Variants in PTPN5 observed in about 807,000 individuals in gnomAD.
PTPN5 encodes protein tyrosine phosphatase non-receptor type 5, also known as tyrosine-protein phosphatase non-receptor type 5.
In PTPN5, 29 loss-of-function variants were observed where a neutral mutation model predicts 73.9. The ratio of observed to expected loss-of-function variants is 0.39; its 90% CI spans 0.29 to 0.54. PTPN5 has a LOEUF of 0.54. PTPN5 is among the 20% of genes least tolerant of loss of function. The pLI, the probability that PTPN5 is intolerant of heterozygous loss-of-function variation, is 0.65. For missense variants in PTPN5, 652 were observed against 751.4 expected (o/e 0.87, Z 1.55); for synonymous variants, 267 against 304.7 (o/e 0.88, Z 1.29).
At chr11:18,775,606 C>T (rs1186405209) in intron 1 of PTPN5, among the ~76,000 whole-genome samples, 1 of 152,142 alleles carries the variant, frequency 6.6e-6, no homozygotes, top group African/African-American at 2.4e-5. Flanking sequence ...GGTGGGGAGC[C>T]TGTGTTGGTG....
At chr11:18,785,498 T>C (rs1291007402) in intron 1 of PTPN5, among the ~76,000 whole-genome samples, 2 of 152,242 alleles carry the variant, frequency 1.3e-5, no homozygotes, top group Non-Finnish European at 2.9e-5. Flanking sequence ...AAAATGATGG[T>C]TCATCTTACG....
At chr11:18,764,923 A>G (rs1850570907) in intron 3 of PTPN5, among the ~76,000 whole-genome samples, 2 of 152,138 alleles carry the variant, frequency 1.3e-5, no homozygotes, top group Admixed American at 6.5e-5. Flanking sequence ...CATGTTAGCC[A>G]GGATGGTCTC....
In PTPN5 at chr11:18,729,873, A is replaced by T. The variant is rs770524408; in HGVS notation, c.1330-55T>A. 7.5e-6 allele frequency: 12 copies of T among 1,606,444 alleles called. 1 individual carries two copies. In the South Asian group the frequency reaches 1.3e-4, roughly 18 times the overall value. On this transcript the variant is annotated intron_variant, in intron 12 of 14. Coordinates refer to ENST00000358540, the MANE Select transcript of PTPN5 (RefSeq NM_006906.2). The surrounding 1 kb of genome is among the most constrained non-coding windows in gnomAD (Gnocchi z 5.2). ...TATGTGTGAACTCTTTCAGCTCACAAACCAGCCCAGAGATAGAGATGAGAT... is the reference window on the plus strand; with the variant it reads ...TATGTGTGAACTCTTTCAGCTCACATACCAGCCCAGAGATAGAGATGAGAT...
intron 3 of PTPN5, among the ~76,000 whole-genome samples, chr11:18,752,514 T>C (rs1849937693): frequency 6.6e-6 from 1 of 152,124 alleles, no homozygotes; most frequent in Admixed American, 6.5e-5. Flanking sequence ...GGAGTGGGCA[T>C]GGACTGGGGG....
chr11:18,751,057 A>T (rs1038715114), intron 3 of PTPN5, among the ~76,000 whole-genome samples: 2 of 152,136 alleles, frequency 1.3e-5, no homozygotes, highest in African/African-American at 4.8e-5. Context: ...AAGAGTCTAG[A>T]AGGAATACAC....
At chr11:18,741,582 A>G (rs11024780) in intron 7 of PTPN5, among the ~76,000 whole-genome samples, 4,412 of 152,244 alleles carry the variant, frequency 0.029, 177 homozygotes, top group East Asian at 0.17. Context: ...TCACCCACCT[A>G]GACTCTGAAA....
rs567459720 is a variant in PTPN5, at chr11:18,729,365, C to T, written c.1604+88G>A. The T allele has an allele frequency of 7.0e-6, 5 of 709,814 alleles. No homozygotes were observed. Among genetic ancestry groups the T allele is most frequent in the Non-Finnish European group, 1.3e-5 (5 of 393,920 alleles). 44.0% of individuals were successfully genotyped at this position (709,814 alleles called of 1,614,324 possible). ...CCAGTGTTTTCCATCTGCCCCTCAC[C>T]CCCCGCCCATGCACATGTGGGTCTC... On this transcript the variant is annotated intron_variant, in intron 14 of 14. Transcript: ENST00000358540. This position sits in a 1 kb window ranked among gnomAD's most constrained non-coding sequence, Gnocchi z 5.2.
intron 2 of PTPN5, 104 bp from the exon 3 acceptor site, chr11:18,765,987 T>C: frequency 3.5e-6 from 3 of 847,218 alleles, no homozygotes; most frequent in East Asian, 2.7e-5. Flanking sequence ...CTGTATCCCT[T>C]TGAATAACCC....
rs530061449 is a variant in PTPN5, at chr11:18,728,094, C to A, written c.*840G>T. 6.5e-6 allele frequency: 1 copy of A among 152,682 alleles called. No homozygotes were observed. Among genetic ancestry groups the A allele is most frequent in the African/African-American group, 2.4e-5 (1 of 41,456 alleles). The allele number at this position is 152,682 out of a possible 1,614,324, so 9.5% of individuals were successfully genotyped here. A position where few individuals can be genotyped will look rare whatever the true frequency, so the allele number is the denominator to read the frequency against. The stretch of plus-strand genomic sequence containing the variant: ...GTTGCCAAAGAGTCATGCATGCCCT[C>A]CTGATGGGCTCTCAACACACGCATG... On this transcript the variant is annotated 3_prime_UTR_variant, in exon 15 of 15. Coordinates refer to ENST00000358540, the MANE Select transcript of PTPN5 (RefSeq NM_006906.2). This position sits in a 1 kb window ranked among gnomAD's most constrained non-coding sequence, Gnocchi z 4.1.
intron 2 of PTPN5, among the ~76,000 whole-genome samples, chr11:18,766,106 T>A (rs1590582286): frequency 6.6e-6 from 1 of 152,126 alleles, no homozygotes; most frequent in South Asian, 2.1e-4. Flanking sequence ...GTGGCAGCAG[T>A]ATCATCACAA....
Position 18,742,546 on chromosome 11 carries a change from C to G in PTPN5, c.484-43G>C. 1 of 1,601,964 alleles carries G rather than the reference C, an allele frequency of 6.2e-7. No individual in the cohort carries two copies. The highest frequency in any genetic ancestry group is 1.1e-5 in the South Asian group (1 of 90,522). ...CATCACAGATTTCGGACCACGCTGG[C>G]TGCCCCCCGTGTTCCTGGAGTGCCC... On this transcript the variant is annotated intron_variant, in intron 6 of 14. Coordinates refer to ENST00000358540, the MANE Select transcript of PTPN5 (RefSeq NM_006906.2). The surrounding 1 kb of genome is among the most constrained non-coding windows in gnomAD (Gnocchi z 4.1).
chr11:18,771,858 G>T, intron 2 of PTPN5, 81 bp downstream of exon 2: 1 of 1,202,342 alleles, frequency 8.3e-7, no homozygotes, highest in South Asian at 1.3e-5. Flanking sequence ...AATGGGTCAC[G>T]TGTCCCAGAG....
chr11:18,786,583 A>G (rs1215042271), intron 1 of PTPN5, among the ~76,000 whole-genome samples: 1 of 152,182 alleles, frequency 6.6e-6, no homozygotes, highest in African/African-American at 2.4e-5. Context: ...AAAAGAGAAA[A>G]GAGTTTCTAG....
At chr11:18,769,351 G>A (rs981210082) in intron 2 of PTPN5, among the ~76,000 whole-genome samples, 1 of 152,164 alleles carries the variant, frequency 6.6e-6, no homozygotes, top group Non-Finnish European at 1.5e-5. Flanking sequence ...GGGGCAAGGG[G>A]AAGAGGAAGT....
At chr11:18,772,798 C>T (rs1247384199) in intron 1 of PTPN5, among the ~76,000 whole-genome samples, 4 of 152,136 alleles carry the variant, frequency 2.6e-5, no homozygotes, top group Non-Finnish European at 4.4e-5. Flanking sequence ...ATACAATGAA[C>T]GACAAGCATC....
chr11:18,741,286 C>T (rs1488838414), intron 7 of PTPN5, among the ~76,000 whole-genome samples: 2 of 152,128 alleles, frequency 1.3e-5, no homozygotes, highest in Non-Finnish European at 2.9e-5. Flanking sequence ...CCAGGAGAGG[C>T]CAGGACCCCC....
At chr11:18,782,894 G>A (rs1851505356) in intron 1 of PTPN5, among the ~76,000 whole-genome samples, 1 of 152,218 alleles carries the variant, frequency 6.6e-6, no homozygotes, top group African/African-American at 2.4e-5. Flanking sequence ...CCAAAGGCCA[G>A]TAGGTCCCTG....
At chr11:18,767,209 G>C (rs7950660) in intron 2 of PTPN5, among the ~76,000 whole-genome samples, 15,793 of 152,196 alleles carry the variant, frequency 0.1, 2,463 homozygotes, top group African/African-American at 0.34. Flanking sequence ...CTGGCCCTAG[G>C]GCCAGTTTCA....
intron 1 of PTPN5, among the ~76,000 whole-genome samples, chr11:18,791,269 C>G (rs1851910471): frequency 6.6e-6 from 1 of 152,242 alleles, no homozygotes; most frequent in Non-Finnish European, 1.5e-5. Context: ...TCCCCGGAAC[C>G]GCGCACGGGC....
Sources: gnomAD v4.1 joint callset for allele counts (sites outside exome capture counted in the v4.1 genomes callset) on GRCh38, gnomAD v4.1.1 for gene constraint, Gnocchi (gnomAD v3.1) non-coding constraint, MANE v1.5 for transcripts, NCBI Gene and HGNC (gene_info 2026-07-23, HGNC 2026-07-21) for gene names.